The following CACNB2 variants were observed in gnomAD, a reference collection of about 807,000 sequenced individuals.
The protein encoded by CACNB2 is voltage-dependent L-type calcium channel subunit beta-2.
CACNB2 carries 42 observed loss-of-function variants against 73.3 expected under a neutral mutation model. That is an observed-to-expected ratio of 0.57 (90% CI 0.45 to 0.74). The LOEUF (loss-of-function observed/expected upper bound fraction) is 0.74. Ranked by LOEUF, CACNB2 falls within the 30% of genes least tolerant of loss-of-function variation. CACNB2 has a pLI of 0.00. For missense variants in CACNB2, 940 were observed against 853.0 expected, an observed-to-expected ratio of 1.10 and a Z score of -1.27; for synonymous variants, 348 against 310.3, an observed-to-expected ratio of 1.12 and a Z score of -1.28.
chr10:18,330,309 G>A (rs550479519), intron 2 of CACNB2, among the ~76,000 whole-genome samples: 58 of 151,922 alleles, frequency 3.8e-4, no homozygotes, highest in Admixed American at 2.3e-3. Context: ...TACAATTATC[G>A]GGTCTATTCC....
chr10:18,538,226 G>C lies in CACNB2; in HGVS notation c.1349G>C (p.Cys450Ser). The C allele has an allele frequency of 6.2e-7, 1 of 1,614,130 alleles. No individual in the cohort carries two copies. The highest frequency in any genetic ancestry group is 8.5e-7 in the Non-Finnish European group (1 of 1,180,000). The part of the protein sequence containing the change: ...ILDENQLEDA[C>S]EHLADYLEAY... Reference sequence around the variant, plus strand: ...GATGAGAACCAGCTTGAGGATGCCTGTGAGCACCTTGCCGACTATCTGGAG... The same window carrying C: ...GATGAGAACCAGCTTGAGGATGCCTCTGAGCACCTTGCCGACTATCTGGAG... The change falls in exon 13 of 14, where the codon TGT becomes TCT. Residue 450 changes from cysteine (C) to serine (S), a missense_variant. Cys to Ser is a moderately radical substitution (Grantham distance 112). Coordinates refer to ENST00000324631, the MANE Select transcript of CACNB2 (RefSeq NM_201596.3).
intron 2 of CACNB2, among the ~76,000 whole-genome samples, chr10:18,162,096 C>T (rs1226020717): frequency 3.9e-5 from 6 of 152,128 alleles, no homozygotes; most frequent in African/African-American, 1.4e-4. Flanking sequence ...TATTTAAAAA[C>T]AAGGCTATAT....
chr10:18,395,376 C>G (rs979917878), intron 2 of CACNB2, among the ~76,000 whole-genome samples: 1 of 152,108 alleles, frequency 6.6e-6, no homozygotes, highest in Admixed American at 6.5e-5. Context: ...AATACCATCC[C>G]TCCCACCATC....
chr10:18,490,066 CAG>C (rs1415159490), intron 3 of CACNB2, among the ~76,000 whole-genome samples: 2 of 152,092 alleles, frequency 1.3e-5, no homozygotes, highest in Non-Finnish European at 2.9e-5. Context: ...TTGGTAGAGA[CAG>C]AGTTTCACCA....
intron 2 of CACNB2, among the ~76,000 whole-genome samples, chr10:18,177,818 G>A (rs2033685503): frequency 6.6e-6 from 1 of 152,148 alleles, no homozygotes; most frequent in African/African-American, 2.4e-5. Context: ...TAAGCATGTG[G>A]AATTACAGCT....
chr10:18,515,022 G>C (rs142899184), intron 7 of CACNB2: 5 of 1,613,700 alleles, frequency 3.1e-6, no homozygotes, highest in Non-Finnish European at 4.2e-6. Flanking sequence ...AAAACTGCAG[G>C]CTTGTTTTGG....
At chr10:18,404,362 C>T (rs1304994101) in intron 3 of CACNB2, among the ~76,000 whole-genome samples, 4 of 151,984 alleles carry the variant, frequency 2.6e-5, no homozygotes, top group African/African-American at 4.8e-5. Flanking sequence ...AAGGCTAGTT[C>T]CCTCTATAAA....
At chr10:18,337,916 C>A (rs2041071832) in intron 2 of CACNB2, among the ~76,000 whole-genome samples, 3 of 152,054 alleles carry the variant, frequency 2.0e-5, no homozygotes, top group Admixed American at 1.3e-4. Context: ...ATACCATGAA[C>A]AAAATCAACT....
chr10:18,277,050 G>T (rs571342262), intron 2 of CACNB2, among the ~76,000 whole-genome samples: 1 of 152,188 alleles, frequency 6.6e-6, no homozygotes, highest in African/African-American at 2.4e-5. Context: ...CTGGGAGGTC[G>T]AGGCTGCAGT....
intron 2 of CACNB2, among the ~76,000 whole-genome samples, chr10:18,316,477 T>C (rs905726440): frequency 1.3e-5 from 2 of 151,860 alleles, no homozygotes; most frequent in East Asian, 3.9e-4. Flanking sequence ...TCTTTTTTTT[T>C]TTTTAAGACA....
intron 3 of CACNB2, among the ~76,000 whole-genome samples, chr10:18,430,900 C>G (rs2045858552): frequency 6.6e-6 from 1 of 152,146 alleles, no homozygotes; most frequent in African/African-American, 2.4e-5. Flanking sequence ...AAGATAATCT[C>G]TATCATTTAT....
At chr10:18,152,504 G>A (rs994897450) in intron 2 of CACNB2, among the ~76,000 whole-genome samples, 20 of 151,954 alleles carry the variant, frequency 1.3e-4, no homozygotes, top group African/African-American at 3.9e-4. Flanking sequence ...TCATGTTTTC[G>A]TGGGCAGAAT....
intron 2 of CACNB2, among the ~76,000 whole-genome samples, chr10:18,392,216 G>A (rs115806141): frequency 0.026 from 3,990 of 151,528 alleles, 186 homozygotes; most frequent in African/African-American, 0.091. Flanking sequence ...AGGGTGTAGA[G>A]ATCAGCGGAA....
chr10:18,506,328 T>C, intron 5 of CACNB2, 143 bp from the exon 6 acceptor site: 1 of 667,116 alleles, frequency 1.5e-6, no homozygotes, highest in Non-Finnish European at 2.7e-6. Flanking sequence ...GAATCTCCAC[T>C]GGGAAATATT....
At chr10:18,485,807 T>C (rs187362199) in intron 3 of CACNB2, among the ~76,000 whole-genome samples, 1 of 151,850 alleles carries the variant, frequency 6.6e-6, no homozygotes, top group Non-Finnish European at 1.5e-5. Flanking sequence ...GCTCTCGAAC[T>C]CCTGACCTCA....
rs139337798 is a variant in CACNB2, at chr10:18,364,679, T to G, written c.214-37245T>G. Among the ~76,000 whole-genome samples, 569 of 152,306 alleles carry G rather than the reference T, an allele frequency of 3.7e-3. 2 individuals are homozygous for G. The highest frequency in any genetic ancestry group is 6.4e-3 in the Non-Finnish European group (436 of 68,016). The stretch of plus-strand genomic sequence containing the variant: ...TCACCCTCTTCTTTCATCTCCTGCC[T>G]GTTCTACATCTGTTACCTCTGACGT... On this transcript the variant is annotated intron_variant, in intron 2 of 13. Coordinates refer to ENST00000324631, the MANE Select transcript of CACNB2 (RefSeq NM_201596.3).
At chr10:18,506,377 T>C (rs1661297872) in intron 5 of CACNB2, 94 bp from the exon 6 acceptor site, 2 of 749,822 alleles carry the variant, frequency 2.7e-6, no homozygotes, top group Non-Finnish European at 4.8e-6. Flanking sequence ...TAAAGTTGAA[T>C]AAAACCATAA....
intron 2 of CACNB2, among the ~76,000 whole-genome samples, chr10:18,383,618 C>T (rs2043105448): frequency 6.6e-6 from 1 of 152,082 alleles, no homozygotes; most frequent in Admixed American, 6.6e-5. Flanking sequence ...GAGGGGTAAA[C>T]CATAAATAAA....
chr10:18,241,136 A>C (rs1488423322), intron 2 of CACNB2, among the ~76,000 whole-genome samples: 2 of 152,148 alleles, frequency 1.3e-5, no homozygotes, highest in Admixed American at 6.6e-5. Context: ...ACTCGTGTTC[A>C]TCTTACATAT....
Sources: gnomAD v4.1 joint callset for allele counts (sites outside exome capture counted in the v4.1 genomes callset) on GRCh38, gnomAD v4.1.1 for gene constraint, MANE v1.5 for transcripts, NCBI Gene and HGNC (gene_info 2026-07-23, HGNC 2026-07-21) for gene names.